The following STAC variants were observed in gnomAD, a reference collection of about 807,000 sequenced individuals.
STAC encodes the protein SH3 and cysteine rich domain.
In STAC, 43 loss-of-function variants were observed where a neutral mutation model predicts 48.8. That is an observed-to-expected ratio of 0.88 (90% CI 0.69 to 1.14). STAC has a LOEUF of 1.14. STAC is among the 50% of genes most tolerant of loss of function. The pLI, the probability that STAC is intolerant of heterozygous loss-of-function variation, is 0.00. For missense variants in STAC, 497 were observed against 504.0 expected, an observed-to-expected ratio of 0.99 and a Z score of 0.13; for synonymous variants, 193 against 179.5, an observed-to-expected ratio of 1.07 and a Z score of -0.60.
intron 2 of STAC, among the ~76,000 whole-genome samples, chr3:36,454,340 GA>G (rs937229663): frequency 2.0e-5 from 3 of 151,884 alleles, no homozygotes; most frequent in African/African-American, 7.2e-5. Flanking sequence ...GTCGCCTTAA[GA>G]GCTGTAACAC....
chr3:36,540,876 TG>T (rs1336685250), intron 10 of STAC, among the ~76,000 whole-genome samples: 2 of 152,308 alleles, frequency 1.3e-5, no homozygotes, highest in East Asian at 3.9e-4. Context: ...CTTCTAAATT[TG>T]TGGTGATTTG....
chr3:36,439,275 G>A (rs777305486), intron 1 of STAC, among the ~76,000 whole-genome samples: 75 of 152,262 alleles, frequency 4.9e-4, no homozygotes, highest in Middle Eastern at 3.4e-3. Flanking sequence ...AAGATAGGTC[G>A]CCTGGTGAAG....
chr3:36,402,215 T>C (rs1700011086), intron 1 of STAC, among the ~76,000 whole-genome samples: 2 of 152,116 alleles, frequency 1.3e-5, no homozygotes, highest in South Asian at 4.1e-4. Context: ...GAGTGAATAA[T>C]GTAATGAATA....
intron 10 of STAC, among the ~76,000 whole-genome samples, chr3:36,532,966 T>C (rs1230608299): frequency 6.6e-6 from 1 of 152,200 alleles, no homozygotes; most frequent in Admixed American, 6.5e-5. Flanking sequence ...ATTTTATAAA[T>C]GAGAAAACAA....
chr3:36,423,624 C>T (rs185084137), intron 1 of STAC, among the ~76,000 whole-genome samples: 2 of 152,080 alleles, frequency 1.3e-5, no homozygotes, highest in Non-Finnish European at 2.9e-5. Flanking sequence ...GAGGTTTTAT[C>T]CTCAGTTGAA....
rs1184333355 is a variant in STAC at position 36,398,548 on chromosome 3, AGAAAGAGAGAGGGAAGG to A, written c.111+17795_111+17811del. 5.2e-4 allele frequency among the ~76,000 whole-genome samples: 11 copies of A among 21,296 alleles called. 3 individuals are homozygous for A. Among genetic ancestry groups the A allele is most frequent in the Non-Finnish European group, 8.2e-4 (9 of 10,928 alleles). The allele number at this position is 21,296 out of a possible 152,430, so 14.0% of individuals were successfully genotyped here. On this transcript the variant is annotated intron_variant, in intron 1 of 10. Transcript: ENST00000273183. ...GAGAAAGAAAGAAAGAGAGGTAAAG[AGAAAGAGAGAGGGAAGG>A]AAGGAAGGAAGGAAGGAAGGAAGGA...
intron 10 of STAC, among the ~76,000 whole-genome samples, chr3:36,541,583 G>T (rs974817866): frequency 6.6e-6 from 1 of 152,180 alleles, no homozygotes; most frequent in African/African-American, 2.4e-5. Flanking sequence ...TATCAAAGAT[G>T]GAACACTGAA....
intron 8 of STAC, among the ~76,000 whole-genome samples, chr3:36,525,177 T>C (rs1252322499): frequency 6.6e-6 from 1 of 152,186 alleles, no homozygotes; most frequent in African/African-American, 2.4e-5. Context: ...GATGACACTC[T>C]TTCAGAGCCC....
chr3:36,451,911 C>A (rs1575209072), intron 2 of STAC, among the ~76,000 whole-genome samples: 1 of 152,032 alleles, frequency 6.6e-6, no homozygotes, highest in Non-Finnish European at 1.5e-5. Context: ...GTGATGGATC[C>A]CACTTGTTTA....
At chr3:36,393,851 C>T (rs768683174) in intron 1 of STAC, among the ~76,000 whole-genome samples, 4 of 151,794 alleles carry the variant, frequency 2.6e-5, no homozygotes, top group Non-Finnish European at 5.9e-5. Flanking sequence ...ATTCTTATTA[C>T]AACAGCTCAA....
intron 1 of STAC, among the ~76,000 whole-genome samples, chr3:36,398,320 C>CAAGAAAGAAAGA (rs71288102): frequency 0.018 from 1,461 of 82,100 alleles, 26 homozygotes; most frequent in South Asian, 0.025. Flanking sequence ...AGAAAGAAAG[C>CAAGAAAGAAAGA]AAGAAAGAAA....
At chr3:36,493,346 C>T (rs1459477239) in intron 6 of STAC, 117 bp downstream of exon 6, 39 of 901,282 alleles carry the variant, frequency 4.3e-5, no homozygotes, top group Middle Eastern at 3.3e-4. Flanking sequence ...TTAATCAGGG[C>T]GAGTGTTCAA....
At chr3:36,458,264 A>G (rs1321204175) in intron 2 of STAC, among the ~76,000 whole-genome samples, 1 of 152,178 alleles carries the variant, frequency 6.6e-6, no homozygotes, top group East Asian at 1.9e-4. Flanking sequence ...GAGGCCCCAT[A>G]CTAGAGTTCA....
At chr3:36,524,782 G>T (rs1698891764) in intron 8 of STAC, among the ~76,000 whole-genome samples, 1 of 151,652 alleles carries the variant, frequency 6.6e-6, no homozygotes. Flanking sequence ...GAAGGATATG[G>T]GGGCAGTAAA....
At chr3:36,483,662 G>C (rs1697718104) in intron 3 of STAC, among the ~76,000 whole-genome samples, 1 of 152,192 alleles carries the variant, frequency 6.6e-6, no homozygotes, top group African/African-American at 2.4e-5. Flanking sequence ...TTGATTAAGA[G>C]GCAATTCAAG....
At chr3:36,444,866 C>A (rs1030397947) in intron 2 of STAC, among the ~76,000 whole-genome samples, 5 of 152,212 alleles carry the variant, frequency 3.3e-5, no homozygotes, top group African/African-American at 1.2e-4. Flanking sequence ...TGCCTAGCAT[C>A]TGACTGTCAG....
intron 2 of STAC, among the ~76,000 whole-genome samples, chr3:36,455,278 C>T (rs1475932916): frequency 1.3e-5 from 2 of 152,114 alleles, no homozygotes; most frequent in African/African-American, 4.8e-5. Context: ...GTCAGAAGGA[C>T]AGGAGGAGAA....
intron 2 of STAC, among the ~76,000 whole-genome samples, chr3:36,454,021 T>C (rs1032015034): frequency 1.3e-5 from 2 of 152,104 alleles, no homozygotes; most frequent in Admixed American, 6.5e-5. Flanking sequence ...AGCTCAGGGA[T>C]TGTAAACACA....
intron 1 of STAC, among the ~76,000 whole-genome samples, chr3:36,387,165 A>T (rs1052239770): frequency 3.3e-5 from 5 of 152,036 alleles, no homozygotes; most frequent in Non-Finnish European, 7.4e-5. Flanking sequence ...ATATTTACTT[A>T]TTTATTTTTG....
Sources: gnomAD v4.1 joint callset for allele counts (sites outside exome capture counted in the v4.1 genomes callset) on GRCh38, gnomAD v4.1.1 for gene constraint, MANE v1.5 for transcripts, NCBI Gene and HGNC (gene_info 2026-07-23, HGNC 2026-07-21) for gene names.